The following RBFOX1 variants were observed in gnomAD, a reference collection of about 807,000 sequenced individuals.
RBFOX1 encodes RNA binding fox-1 homolog 1, also known as RNA binding protein fox-1 homolog 1.
In RBFOX1, 8 loss-of-function variants were observed where a neutral mutation model predicts 57.7. The ratio of observed to expected loss-of-function variants is 0.14; its 90% confidence interval spans 0.08 to 0.25. The LOEUF is 0.25. RBFOX1 is among the 10% of genes least tolerant of loss of function. The pLI is 1.00. For missense variants in RBFOX1, 611 were observed against 548.5 expected (o/e 1.11, Z -1.14); for synonymous variants, 326 against 222.4 (o/e 1.47, Z -4.15).
At chr16:6,519,617 C>T (rs2096460956) in intron 2 of RBFOX1, among the ~76,000 whole-genome samples, 1 of 152,154 alleles carries the variant, frequency 6.6e-6, no homozygotes, top group South Asian at 2.1e-4. Context: ...CAGAGAATTG[C>T]TTGAACCCGG....
chr16:6,005,790 G>A (rs116113883), intron 4 of RBFOX1, among the ~76,000 whole-genome samples: 248 of 152,292 alleles, frequency 1.6e-3, no homozygotes, highest in African/African-American at 5.7e-3. Flanking sequence ...AGGAGGAGTT[G>A]GGTGGATTTT....
At chr16:7,134,271 C>G (rs906318997) in intron 4 of RBFOX1, among the ~76,000 whole-genome samples, 2 of 152,050 alleles carry the variant, frequency 1.3e-5, no homozygotes, top group African/African-American at 2.4e-5. Context: ...TGAGGATGTT[C>G]TCTGGGGATA....
chr16:6,053,557 G>A (rs780793340), intron 1 of RBFOX1, among the ~76,000 whole-genome samples: 4 of 152,182 alleles, frequency 2.6e-5, no homozygotes, highest in African/African-American at 4.8e-5. Context: ...CAAGTTTTAG[G>A]AAATGACTAT....
intron 3 of RBFOX1, among the ~76,000 whole-genome samples, chr16:6,759,323 G>T (rs1291844153): frequency 6.6e-6 from 1 of 151,978 alleles, no homozygotes. Context: ...GCTAATTTTT[G>T]TATTTTTAGT....
At chr16:5,699,565 C>G (rs1307350991) in intron 3 of RBFOX1, among the ~76,000 whole-genome samples, 1 of 151,964 alleles carries the variant, frequency 6.6e-6, no homozygotes, top group Admixed American at 6.5e-5. Flanking sequence ...TGCCAAATGT[C>G]TGCTTGGGGG....
At chr16:7,264,830 G>C (rs1176065010) in intron 4 of RBFOX1, among the ~76,000 whole-genome samples, 3 of 152,034 alleles carry the variant, frequency 2.0e-5, no homozygotes, top group Non-Finnish European at 4.4e-5. Flanking sequence ...GTACCCAGAG[G>C]GTAAAAAGTT....
At chr16:5,372,121 A>G (rs1183693603) in intron 1 of RBFOX1, among the ~76,000 whole-genome samples, 2 of 152,208 alleles carry the variant, frequency 1.3e-5, no homozygotes, top group African/African-American at 2.4e-5. Flanking sequence ...TCTAAGATGA[A>G]GGATTGTGAA....
intron 4 of RBFOX1, among the ~76,000 whole-genome samples, chr16:7,218,667 T>TGTGCGTGC (rs2092463437): frequency 4.1e-5 from 6 of 148,096 alleles, no homozygotes; most frequent in African/African-American, 1.5e-4. Context: ...TGTGTGTGTG[T>TGTGCGTGC]GTGTGTGTGT....
At chr16:6,309,317 GCT>G (rs1179494764) in intron 1 of RBFOX1, among the ~76,000 whole-genome samples, 1 of 152,096 alleles carries the variant, frequency 6.6e-6, no homozygotes, top group African/African-American at 2.4e-5. Flanking sequence ...TGGTACCTCT[GCT>G]CTCTCTGGCC....
At chr16:7,190,306 C>G (rs371828566) in intron 4 of RBFOX1, among the ~76,000 whole-genome samples, 1 of 152,154 alleles carries the variant, frequency 6.6e-6, no homozygotes, top group Non-Finnish European at 1.5e-5. Flanking sequence ...TTGCAGTGAG[C>G]TGAGATCACA....
chr16:7,256,455 A>G (rs1261666364), intron 4 of RBFOX1, among the ~76,000 whole-genome samples: 1 of 152,162 alleles, frequency 6.6e-6, no homozygotes, highest in Non-Finnish European at 1.5e-5. Flanking sequence ...TTATGGCATT[A>G]TTGCTGACCT....
At chr16:5,262,735 T>C (rs1367328768) in intron 1 of RBFOX1, among the ~76,000 whole-genome samples, 4 of 152,156 alleles carry the variant, frequency 2.6e-5, no homozygotes, top group African/African-American at 9.7e-5. Context: ...GGCAGAAAAG[T>C]GCAAAGAGGG....
At chr16:5,368,695 G>T (rs955267012) in intron 1 of RBFOX1, among the ~76,000 whole-genome samples, 1 of 152,090 alleles carries the variant, frequency 6.6e-6, no homozygotes, top group Non-Finnish European at 1.5e-5. Flanking sequence ...GGCCTTTCAG[G>T]GGGGCAGGAG....
intron 1 of RBFOX1, among the ~76,000 whole-genome samples, chr16:6,053,323 C>A (rs2095575996): frequency 6.6e-6 from 1 of 152,084 alleles, no homozygotes; most frequent in Non-Finnish European, 1.5e-5. Context: ...CTTGATGAAG[C>A]AGAAAGAAGG....
At chr16:5,630,301 A>T (rs960272503) in intron 3 of RBFOX1, among the ~76,000 whole-genome samples, 9 of 152,256 alleles carry the variant, frequency 5.9e-5, no homozygotes, top group African/African-American at 1.9e-4. Flanking sequence ...TACTAAAAAT[A>T]CAAAAATTAG....
rs1666081678 is a variant in RBFOX1, at chr16:6,655,436, AAC to A, written c.-16+790_-16+791del. On this transcript the variant is annotated intron_variant, in intron 3 of 15. Coordinates refer to ENST00000550418, the MANE Select transcript of RBFOX1 (RefSeq NM_018723.4). The stretch of plus-strand genomic sequence containing the variant: ...CGCTCAATTTCCATCACAACACATC[AAC>A]ACATTCATATGAGCAACAGCGTCCT... Among the ~76,000 whole-genome samples the A allele has an allele frequency of 4.0e-5, 6 of 148,292 alleles. No homozygotes were observed. The South Asian group carries it at 1.3e-3, about 32-fold the overall frequency.
chr16:5,470,392 G>A (rs569173892), intron 2 of RBFOX1, among the ~76,000 whole-genome samples: 3 of 152,292 alleles, frequency 2.0e-5, no homozygotes, highest in South Asian at 4.1e-4. Flanking sequence ...ACCTCTAAAC[G>A]TTGGGAAGTC....
rs138163455 is a variant in RBFOX1 at position 6,794,104 on chromosome 16, G to A, written c.-16+139454G>A. Among the ~76,000 whole-genome samples the A allele has an allele frequency of 2.2e-3, 329 of 152,138 alleles. 2 individuals are homozygous for A. Among genetic ancestry groups the A allele is most frequent in the African/African-American group, 7.1e-3 (293 of 41,518 alleles). ...GAAATGACTGAACTATAAGTTTAGG[G>A]AGCATGGGATGAGGTGTACTGTTAA... is the stretch of plus-strand genomic sequence containing the variant. On this transcript the variant is annotated intron_variant, in intron 3 of 15. Transcript: ENST00000550418.
At chr16:7,149,145 T>C (rs1473885306) in intron 4 of RBFOX1, among the ~76,000 whole-genome samples, 1 of 152,216 alleles carries the variant, frequency 6.6e-6, no homozygotes. Flanking sequence ...AAACCAAGTA[T>C]TGGAAATCAT....
Sources: allele counts gnomAD v4.1 joint callset (sites outside exome capture counted in the v4.1 genomes callset), GRCh38; gene constraint gnomAD v4.1.1; transcripts MANE v1.5; gene names NCBI Gene and HGNC (gene_info 2026-07-23, HGNC 2026-07-21).